Variants in PCDHA1 observed in about 807,000 individuals in gnomAD.
The protein encoded by PCDHA1 is protocadherin alpha-1.
Under a neutral mutation model 61.3 loss-of-function variants are expected in PCDHA1, and 42 were observed. The observed-to-expected ratio is 0.69, with a 90% CI of 0.54 to 0.89. PCDHA1 has a LOEUF of 0.89. PCDHA1 is among the 40% of genes least tolerant of loss of function. The pLI, the probability that PCDHA1 is intolerant of heterozygous loss-of-function variation, is 0.00. For missense variants in PCDHA1, 1,256 were observed against 1,235.3 expected (o/e 1.02, Z -0.25); for synonymous variants, 610 against 553.8 (o/e 1.10, Z -1.43).
chr5:140,910,411 A>C (rs1554194248), intron 1 of PCDHA1, among the ~76,000 whole-genome samples: 2 of 152,062 alleles, frequency 1.3e-5, no homozygotes, highest in African/African-American at 4.8e-5. Flanking sequence ...CCACCTCGAG[A>C]TCCAATTATT....
rs1351628380 is a variant in PCDHA1, at chr5:140,928,607, G to A, written c.2395-50342G>A. ...TCTGTCCCAGTGGAAATTGTGCCCC[G>A]CTCTGCCAGGACTGGACACTTGGTC... On this transcript the variant is annotated intron_variant, in intron 1 of 3. Coordinates refer to ENST00000504120, the MANE Select transcript of PCDHA1 (RefSeq NM_018900.4). 3.1e-6 allele frequency: 5 copies of A among 1,614,068 alleles called. No homozygotes were observed. In the South Asian group the frequency reaches 3.3e-5, roughly 11 times the overall value.
intron 1 of PCDHA1, chr5:140,967,043 G>A: frequency 6.2e-7 from 1 of 1,612,108 alleles, no homozygotes; most frequent in Non-Finnish European, 8.5e-7. Context: ...CCTGGAGCTG[G>A]ACCTGACGAG....
rs782014250 is a variant in PCDHA1, at chr5:140,883,952, G to T, written c.2395-94997G>T. On this transcript the variant is annotated intron_variant, in intron 1 of 3. Transcript: ENST00000504120. The stretch of plus-strand genomic sequence containing the variant: ...GTTCGTGCTGGACGAGAACGACAAC[G>T]CTCCGGCGCTGCTGACGCCCGGGGC... 2.0e-5 allele frequency: 32 copies of T among 1,613,030 alleles called. No individual in the cohort carries two copies. The highest frequency in any genetic ancestry group is 2.6e-5 in the Non-Finnish European group (31 of 1,179,806).
chr5:140,796,314 C>CA, intron 1 of PCDHA1: 4 of 1,614,132 alleles, frequency 2.5e-6, no homozygotes, highest in Non-Finnish European at 3.4e-6. Context: ...ACGTGAACGA[C>CA]AACGCGCCGG....
intron 1 of PCDHA1, among the ~76,000 whole-genome samples, chr5:140,914,725 T>C (rs1317424827): frequency 6.6e-6 from 1 of 152,164 alleles, no homozygotes; most frequent in African/African-American, 2.4e-5. Flanking sequence ...TTATTTTTTG[T>C]GTATCCATTG....
rs149344352 is a variant in PCDHA1 at position 140,786,397 on chromosome 5, C to G, written c.107C>G (p.Pro36Arg). 4.3e-6 allele frequency: 7 copies of G among 1,613,460 alleles called. No individual in the cohort carries two copies. The highest frequency in any genetic ancestry group is 4.5e-5 in the East Asian group (2 of 44,896). The change falls in exon 1 of 4, where the codon CCG (proline) becomes CGG (arginine). Residue 36 changes from proline (P) to arginine (R), a missense_variant. Physicochemically the swap from Pro to Arg is moderately radical, Grantham distance 103. Coordinates refer to ENST00000504120, the MANE Select transcript of PCDHA1 (RefSeq NM_018900.4). ...AGCGGCCAGCTCCACTACTCGATCCCGGAGGAAGCCAAACACGGCACCTTC... is the reference window on the plus strand; with the variant it reads ...AGCGGCCAGCTCCACTACTCGATCCGGGAGGAAGCCAAACACGGCACCTTC... ...VGSGQLHYSIPEEAKHGTFVG... is the reference protein window; with the variant it reads ...VGSGQLHYSIREEAKHGTFVG...
At chr5:140,947,439 G>C (rs2094135272) in intron 1 of PCDHA1, among the ~76,000 whole-genome samples, 1 of 151,638 alleles carries the variant, frequency 6.6e-6, no homozygotes, top group African/African-American at 2.4e-5. Flanking sequence ...AAAATCAGCT[G>C]TGAAATCCTC....
At chr5:140,855,836 A>T in intron 1 of PCDHA1, 3 of 600,200 alleles carry the variant, frequency 5.0e-6, no homozygotes, top group Non-Finnish European at 2.9e-6. Flanking sequence ...AATCGTACTT[A>T]CACCTAAAGC....
At chr5:140,914,929 G>A (rs1167844428) in intron 1 of PCDHA1, among the ~76,000 whole-genome samples, 2 of 145,306 alleles carry the variant, frequency 1.4e-5, no homozygotes, top group African/African-American at 5.0e-5. Flanking sequence ...ATTGTACTAT[G>A]TTGTGAAAAG....
chr5:140,896,561 G>C (rs1562891119), intron 1 of PCDHA1, among the ~76,000 whole-genome samples: 2 of 150,758 alleles, frequency 1.3e-5, no homozygotes, highest in Non-Finnish European at 2.9e-5. Flanking sequence ...ATTTTAAGTA[G>C]AGATGGGGTT....
intron 1 of PCDHA1, chr5:140,857,408 T>C: frequency 6.3e-7 from 1 of 1,597,854 alleles, no homozygotes; most frequent in Non-Finnish European, 8.6e-7. Context: ...CGCGCCTGCG[T>C]TCGCGCAGTC....
intron 1 of PCDHA1, among the ~76,000 whole-genome samples, chr5:140,895,520 A>G (rs1053295495): frequency 6.6e-6 from 1 of 152,116 alleles, no homozygotes; most frequent in South Asian, 2.1e-4. Context: ...TAATTGGTTT[A>G]TTCGTTTTTC....
chr5:140,984,645 C>T (rs1354690786), intron 3 of PCDHA1, among the ~76,000 whole-genome samples: 1 of 152,164 alleles, frequency 6.6e-6, no homozygotes, highest in African/African-American at 2.4e-5. Flanking sequence ...TGCCTTCTCC[C>T]TGTCCTTCTG....
intron 1 of PCDHA1, chr5:140,812,931 A>T (rs1192627991): frequency 6.6e-6 from 1 of 152,234 alleles, no homozygotes; most frequent in African/African-American, 2.4e-5. Context: ...TTTAATTTCT[A>T]CATATTTGCA....
intron 1 of PCDHA1, chr5:140,870,137 A>C (rs1554163840): frequency 6.2e-7 from 1 of 1,613,940 alleles, no homozygotes; most frequent in Non-Finnish European, 8.5e-7. Flanking sequence ...ACCAACGATA[A>C]CTCTCCTGAA....
intron 1 of PCDHA1, among the ~76,000 whole-genome samples, chr5:140,909,091 C>T: frequency 6.6e-6 from 1 of 152,220 alleles, no homozygotes; most frequent in Non-Finnish European, 1.5e-5. Flanking sequence ...TGCTACTTCT[C>T]ACTCACTGGG....
intron 1 of PCDHA1, chr5:140,883,720 A>C: frequency 6.2e-7 from 1 of 1,613,566 alleles, no homozygotes; most frequent in Non-Finnish European, 8.5e-7. Context: ...ACGCGGACGC[A>C]CAGGAGAACG....
In PCDHA1 at chr5:140,829,690, T is replaced by C. The variant is rs147329611; in HGVS notation, c.2394+41006T>C. The stretch of plus-strand genomic sequence containing the variant: ...ACGAGGAGCTAGAGCTGCTGCAGTT[T>C]CAGGTGAGCGCGCGCGACGCGGGCG... On this transcript the variant is annotated intron_variant, in intron 1 of 3. Coordinates refer to ENST00000504120, the MANE Select transcript of PCDHA1 (RefSeq NM_018900.4). The C allele has an allele frequency of 9.4e-5, 151 of 1,613,174 alleles. 1 individual carries two copies. Among genetic ancestry groups the C allele is most frequent in the South Asian group, 2.2e-4 (20 of 91,054 alleles).
intron 3 of PCDHA1, among the ~76,000 whole-genome samples, chr5:141,003,070 G>A (rs1588007737): frequency 6.6e-6 from 1 of 152,232 alleles, no homozygotes; most frequent in South Asian, 2.1e-4. Flanking sequence ...AAATGCAGAT[G>A]AGGGTGAGTT....
Sources: allele counts gnomAD v4.1 joint callset (sites outside exome capture counted in the v4.1 genomes callset), GRCh38; gene constraint gnomAD v4.1.1; transcripts MANE v1.5; gene names NCBI Gene and HGNC (gene_info 2026-07-23, HGNC 2026-07-21).